EPB41: variants seen among roughly 807,000 people sequenced by gnomAD.
The protein encoded by EPB41 is erythrocyte membrane protein band 4.1, also known as protein 4.1.
A neutral mutation model predicts 108.0 loss-of-function variants in EPB41; 65 were observed. The ratio of observed to expected loss-of-function variants is 0.60; its 90% CI spans 0.49 to 0.74. EPB41 has a LOEUF of 0.74. Among genes scored for constraint, EPB41 ranks in the 30% least tolerant of loss-of-function variants. EPB41 has a pLI of 0.00. For synonymous variants in EPB41, 336 were observed against 358.9 expected (o/e 0.94, Z 0.72); for missense variants, 875 against 1,037.0 (o/e 0.84, Z 2.15).
At chr1:28,963,796 A>C (rs2095288287) in intron 1 of EPB41, among the ~76,000 whole-genome samples, 9 of 152,180 alleles carry the variant, frequency 5.9e-5, no homozygotes. Context: ...GTGAGTTTAC[A>C]CTCAACATTG....
intron 16 of EPB41, among the ~76,000 whole-genome samples, chr1:29,073,714 T>G (rs1306326685): frequency 1.3e-5 from 2 of 152,218 alleles, no homozygotes; most frequent in Non-Finnish European, 2.9e-5. Flanking sequence ...CCAGTTTCTT[T>G]CATGCTAACA....
chr1:28,952,424 G>A (rs2094770697), intron 1 of EPB41, among the ~76,000 whole-genome samples: 1 of 152,098 alleles, frequency 6.6e-6, no homozygotes, highest in Non-Finnish European at 1.5e-5. Flanking sequence ...TACTCAGGAG[G>A]CTGAGGTGGG....
At chr1:29,049,438 C>T (rs570736966) in intron 11 of EPB41, among the ~76,000 whole-genome samples, 1 of 152,276 alleles carries the variant, frequency 6.6e-6, no homozygotes, top group East Asian at 1.9e-4. Flanking sequence ...ATCCTTATCA[C>T]CTTTGGAGCT....
chr1:28,991,455 GC>G (rs1189552612), intron 2 of EPB41, among the ~76,000 whole-genome samples: 8 of 151,836 alleles, frequency 5.3e-5, no homozygotes, highest in African/African-American at 9.7e-5. Flanking sequence ...TGTAAATCCA[GC>G]ACTCTGGGAG....
chr1:29,097,740 T>C, intron 16 of EPB41, 67 bp from the exon 17 acceptor site: 1 of 1,552,506 alleles, frequency 6.4e-7, no homozygotes, highest in Admixed American at 1.7e-5. Context: ...ATCAGATCAG[T>C]GTCAGAAGAT....
chr1:28,988,071 T>G (rs2095909874), intron 2 of EPB41, among the ~76,000 whole-genome samples, 166 bp downstream of exon 2: 1 of 152,256 alleles, frequency 6.6e-6, no homozygotes, highest in African/African-American at 2.4e-5. Flanking sequence ...GAGACCAGCC[T>G]GGCCAACATG....
chr1:29,035,668 C>T (rs991414023), intron 9 of EPB41, among the ~76,000 whole-genome samples, 158 bp from the exon 10 acceptor site: 7 of 151,680 alleles, frequency 4.6e-5, no homozygotes, highest in Non-Finnish European at 1.0e-4. Context: ...GAATTTCTTT[C>T]AGTAAGTAGG....
intron 1 of EPB41, among the ~76,000 whole-genome samples, chr1:28,980,262 G>A (rs531349799): frequency 2.0e-5 from 3 of 152,108 alleles, no homozygotes; most frequent in South Asian, 2.1e-4. Context: ...GGTTTGAGCC[G>A]GGGAGATGGA....
rs143432965 is a variant in EPB41, at chr1:29,112,941, C to T, written c.2496+493C>T. The stretch of plus-strand genomic sequence containing the variant: ...CCTACCCTTAGAGAGCTGTAACAGC[C>T]GAGAAGACACGAGCGGGAGCATAGT... On this transcript the variant is annotated intron_variant, in intron 19 of 20. Coordinates refer to ENST00000343067, the MANE Select transcript of EPB41 (RefSeq NM_001376013.1). 6.4e-3 allele frequency among the ~76,000 whole-genome samples: 970 copies of T among 152,246 alleles called. 6 individuals carry two copies. Among genetic ancestry groups the T allele is most frequent in the African/African-American group, 0.022 (920 of 41,528 alleles).
rs142182473 is a variant in EPB41 at position 28,960,044 on chromosome 1, G to T, written c.-7-27387G>T. 5.9e-4 allele frequency among the ~76,000 whole-genome samples: 85 copies of T among 145,116 alleles called. 1 individual carries two copies. In the East Asian group the frequency reaches 0.013, roughly 22 times the overall value. ...AGACAGGATCTCACTCTGTTTCCCA[G>T]GCTGGAGTGCCGTGACTCAATCACT... On this transcript the variant is annotated intron_variant, in intron 1 of 20. Transcript: ENST00000343067.
intron 7 of EPB41, among the ~76,000 whole-genome samples, chr1:29,023,618 C>G (rs1465478102): frequency 6.6e-6 from 1 of 151,554 alleles, no homozygotes; most frequent in East Asian, 2.0e-4. Context: ...ACTCGGGAGG[C>G]AGAGGTTGCA....
chr1:28,960,090 C>T (rs1478565378), intron 1 of EPB41, among the ~76,000 whole-genome samples: 1 of 151,218 alleles, frequency 6.6e-6, no homozygotes, highest in East Asian at 1.9e-4. Flanking sequence ...GCCTCGACCT[C>T]CTGGCTCAAG....
At chr1:29,048,812 A>G (rs1643987930) in intron 11 of EPB41, among the ~76,000 whole-genome samples, 2 of 152,322 alleles carry the variant, frequency 1.3e-5, no homozygotes, top group Middle Eastern at 3.4e-3. Context: ...TCTGAAGTGC[A>G]TATAAACTGA....
chr1:29,104,139 T>C (rs749553004), intron 17 of EPB41, among the ~76,000 whole-genome samples: 5 of 152,206 alleles, frequency 3.3e-5, no homozygotes, highest in Non-Finnish European at 7.3e-5. Context: ...TGGCTAATAG[T>C]TGTACCTCAT....
At chr1:29,008,374 A>G (rs1404333026) in intron 4 of EPB41, among the ~76,000 whole-genome samples, 1 of 152,238 alleles carries the variant, frequency 6.6e-6, no homozygotes, top group Non-Finnish European at 1.5e-5. Flanking sequence ...TGCTTTTAGT[A>G]TACATCAAAT....
intron 1 of EPB41, among the ~76,000 whole-genome samples, chr1:28,925,816 C>T (rs545961523): frequency 4.3e-4 from 65 of 152,190 alleles, no homozygotes; most frequent in African/African-American, 1.5e-3. Flanking sequence ...TTAATGACTT[C>T]GCATTTTATT....
At chr1:28,904,714 A>G (rs1570245066) in intron 1 of EPB41, among the ~76,000 whole-genome samples, 1 of 151,954 alleles carries the variant, frequency 6.6e-6, no homozygotes, top group South Asian at 2.1e-4. Flanking sequence ...CCTAGCCAAC[A>G]TGGTAAAACC....
chr1:28,975,227 C>T (rs997056384), intron 1 of EPB41, among the ~76,000 whole-genome samples: 17 of 152,092 alleles, frequency 1.1e-4, no homozygotes, highest in East Asian at 5.8e-4. Context: ...TTACCGTGCC[C>T]GGCCTTATTT....
At chr1:29,109,614 C>A in intron 18 of EPB41, 177 bp downstream of exon 18, 1 of 666,544 alleles carries the variant, frequency 1.5e-6, no homozygotes, top group South Asian at 1.6e-5. Flanking sequence ...AGCAATAAAT[C>A]TAGGGAGATA....
Sources: gnomAD v4.1 joint callset for allele counts (sites outside exome capture counted in the v4.1 genomes callset) on GRCh38, gnomAD v4.1.1 for gene constraint, MANE v1.5 for transcripts, NCBI Gene and HGNC (gene_info 2026-07-23, HGNC 2026-07-21) for gene names.